Variants in GPC6 observed in about 807,000 individuals in gnomAD.
GPC6 encodes glypican-6.
GPC6 carries 14 observed loss-of-function variants against 55.2 expected under a neutral mutation model. The observed-to-expected ratio is 0.25, with a 90% CI of 0.17 to 0.40. GPC6 has a LOEUF of 0.40. GPC6 is among the 10% of genes least tolerant of loss of function. GPC6 has a pLI of 1.00. For missense variants in GPC6, 641 were observed against 708.5 expected (o/e 0.90, Z 1.08); for synonymous variants, 278 against 259.6 (o/e 1.07, Z -0.68).
intron 6 of GPC6, among the ~76,000 whole-genome samples, chr13:94,356,371 C>T (rs1378929335): frequency 6.6e-6 from 1 of 152,238 alleles, no homozygotes; most frequent in Non-Finnish European, 1.5e-5. Flanking sequence ...TCACCACACT[C>T]TCTTCCACAA....
At chr13:93,656,435 T>C (rs776329328) in intron 2 of GPC6, among the ~76,000 whole-genome samples, 2 of 152,124 alleles carry the variant, frequency 1.3e-5, no homozygotes, top group Non-Finnish European at 2.9e-5. Context: ...CTCCTATACC[T>C]GGACCATTGT....
At chr13:94,057,887 T>G (rs535785436) in intron 4 of GPC6, among the ~76,000 whole-genome samples, 25 of 152,194 alleles carry the variant, frequency 1.6e-4, no homozygotes, top group Non-Finnish European at 3.5e-4. Flanking sequence ...GGAAACATGC[T>G]GTATTCAAAC....
At chr13:93,485,192 T>G (rs1879657158) in intron 1 of GPC6, among the ~76,000 whole-genome samples, 1 of 152,148 alleles carries the variant, frequency 6.6e-6, no homozygotes, top group African/African-American at 2.4e-5. Context: ...AATAATGAAT[T>G]TATGAGAAGG....
chr13:93,273,696 G>A (rs1207056062), intron 1 of GPC6, among the ~76,000 whole-genome samples: 1 of 152,090 alleles, frequency 6.6e-6, no homozygotes, highest in African/African-American at 2.4e-5. Context: ...ACATGTCAAA[G>A]CTTTACTGTT....
chr13:94,325,850 G>A (rs758584415), intron 6 of GPC6, among the ~76,000 whole-genome samples: 91 of 152,180 alleles, frequency 6.0e-4, no homozygotes, highest in Non-Finnish European at 1.1e-3. Flanking sequence ...ACTTGTTTGG[G>A]TAAGCAGAGC....
At chr13:93,261,843 C>T (rs1041697659) in intron 1 of GPC6, among the ~76,000 whole-genome samples, 58 of 151,700 alleles carry the variant, frequency 3.8e-4, no homozygotes, top group African/African-American at 1.3e-3. Flanking sequence ...AGGCAAATGT[C>T]GTTGGGAATA....
chr13:93,455,376 A>G (rs1878413035), intron 1 of GPC6, among the ~76,000 whole-genome samples: 1 of 152,126 alleles, frequency 6.6e-6, no homozygotes, highest in African/African-American at 2.4e-5. Flanking sequence ...AACGAAGGAA[A>G]AGAAACTCAA....
intron 1 of GPC6, among the ~76,000 whole-genome samples, chr13:93,438,085 G>A (rs1877640196): frequency 6.6e-6 from 1 of 152,096 alleles, no homozygotes; most frequent in African/African-American, 2.4e-5. Context: ...CATGGTTTAA[G>A]GGATATTTGA....
chr13:93,617,620 T>G (rs989483589), intron 2 of GPC6, among the ~76,000 whole-genome samples: 17 of 152,092 alleles, frequency 1.1e-4, no homozygotes, highest in African/African-American at 3.9e-4. Flanking sequence ...ATTTTATGTA[T>G]AAGAAAATAA....
At chr13:93,309,039 T>A (rs1464543584) in intron 1 of GPC6, among the ~76,000 whole-genome samples, 1 of 152,130 alleles carries the variant, frequency 6.6e-6, no homozygotes, top group African/African-American at 2.4e-5. Context: ...ACTACTATAG[T>A]GGAACAAAAT....
At chr13:93,280,744 G>T (rs550998346) in intron 1 of GPC6, among the ~76,000 whole-genome samples, 58 of 152,340 alleles carry the variant, frequency 3.8e-4, no homozygotes, top group African/African-American at 1.3e-3. Flanking sequence ...CCAGGGACCA[G>T]TTTCATGGAA....
intron 4 of GPC6, among the ~76,000 whole-genome samples, chr13:94,219,819 G>A (rs1369144314): frequency 6.6e-6 from 1 of 152,100 alleles, no homozygotes; most frequent in Non-Finnish European, 1.5e-5. Flanking sequence ...TTCCAGAAAG[G>A]TATGTTGAGG....
chr13:94,331,141 G>A (rs1347350200), intron 6 of GPC6, among the ~76,000 whole-genome samples: 1 of 152,100 alleles, frequency 6.6e-6, no homozygotes, highest in Non-Finnish European at 1.5e-5. Flanking sequence ...CAGAGTTGGG[G>A]TCAGCTAGTC....
At chr13:94,208,887 A>G (rs774286703) in intron 4 of GPC6, among the ~76,000 whole-genome samples, 7 of 151,806 alleles carry the variant, frequency 4.6e-5, no homozygotes, top group Non-Finnish European at 1.0e-4. Flanking sequence ...TGATCGTGCT[A>G]CTGCACTCCA....
In GPC6 at chr13:94,407,495, A is replaced by G. The variant is rs777437565; in HGVS notation, c.*4278A>G. 1 of 152,152 alleles carries G rather than the reference A, an allele frequency of 6.6e-6. No homozygotes were observed. The highest frequency in any genetic ancestry group is 1.5e-5 in the Non-Finnish European group (1 of 67,988). 9.4% of individuals were successfully genotyped at this position (152,152 alleles called of 1,614,324 possible). ...GTTTGAGACATTTTTAGAAGCTTCA[A>G]TATTAAAAAACAACAACAAACCTCG... On this transcript the variant is annotated 3_prime_UTR_variant, in exon 9 of 9. Transcript: ENST00000377047.
intron 2 of GPC6, among the ~76,000 whole-genome samples, chr13:93,709,749 T>C (rs183025892): frequency 1.4e-4 from 21 of 151,960 alleles, no homozygotes; most frequent in Non-Finnish European, 2.1e-4. Context: ...GTGTTAAAGA[T>C]AAATAGTGTC....
intron 1 of GPC6, among the ~76,000 whole-genome samples, chr13:93,490,560 G>A (rs1232081673): frequency 1.8e-5 from 2 of 112,388 alleles, no homozygotes; most frequent in Non-Finnish European, 3.4e-5. Context: ...GGGTACATGT[G>A]CACGTTGTGC....
chr13:93,261,484 T>A (rs1490289684), intron 1 of GPC6, among the ~76,000 whole-genome samples: 2 of 152,202 alleles, frequency 1.3e-5, no homozygotes, highest in Non-Finnish European at 2.9e-5. Context: ...TGGGTTTACA[T>A]GCAGCATAAA....
intron 1 of GPC6, among the ~76,000 whole-genome samples, chr13:93,270,008 G>A (rs577049971): frequency 2.9e-4 from 44 of 151,716 alleles, no homozygotes; most frequent in Non-Finnish European, 2.9e-4. Context: ...CTTGCCTGGA[G>A]TCCCAGTCTT....
Sources: gnomAD v4.1 joint callset for allele counts (sites outside exome capture counted in the v4.1 genomes callset) on GRCh38, gnomAD v4.1.1 for gene constraint, MANE v1.5 for transcripts, NCBI Gene and HGNC (gene_info 2026-07-23, HGNC 2026-07-21) for gene names.